The following RNF150 variants were observed in gnomAD, a reference collection of about 807,000 sequenced individuals.
RNF150 encodes the protein ring finger protein 150.
Under a neutral mutation model 39.3 loss-of-function variants are expected in RNF150, and 24 were observed. The ratio of observed to expected loss-of-function variants is 0.61; its 90% confidence interval spans 0.44 to 0.86. RNF150 has a LOEUF of 0.86. RNF150 is among the 40% of genes least tolerant of loss of function. RNF150 has a pLI of 0.00. For synonymous variants in RNF150, 255 were observed against 227.3 expected (o/e 1.12, Z -1.10); for missense variants, 502 against 587.8 (o/e 0.85, Z 1.51).
At chr4:141,140,361 T>G (rs538923417) in intron 1 of RNF150, among the ~76,000 whole-genome samples, 11 of 152,364 alleles carry the variant, frequency 7.2e-5, no homozygotes, top group African/African-American at 2.6e-4. Flanking sequence ...CTTCTTTCCT[T>G]TTATCATAAA....
chr4:141,151,282 T>C (rs1414503412), intron 1 of RNF150, among the ~76,000 whole-genome samples: 1 of 152,088 alleles, frequency 6.6e-6, no homozygotes, highest in Admixed American at 6.6e-5. Context: ...GTTGTTAGAA[T>C]AAACCTAGTT....
intron 2 of RNF150, among the ~76,000 whole-genome samples, chr4:140,963,399 C>A (rs1392507058): frequency 6.6e-6 from 1 of 151,858 alleles, no homozygotes; most frequent in East Asian, 1.9e-4. Flanking sequence ...ATAAAAATGT[C>A]CTATACATGC....
chr4:141,178,641 T>TG (rs1727856721), intron 1 of RNF150, among the ~76,000 whole-genome samples: 1 of 151,924 alleles, frequency 6.6e-6, no homozygotes, highest in Non-Finnish European at 1.5e-5. Flanking sequence ...TTAGGGTTAG[T>TG]GGGGGAGCGG....
chr4:141,052,379 A>T (rs2110893625), intron 1 of RNF150, among the ~76,000 whole-genome samples: 1 of 152,248 alleles, frequency 6.6e-6, no homozygotes, highest in Non-Finnish European at 1.5e-5. Flanking sequence ...TTTATTTTTT[A>T]TTCTTTTATT....
At chr4:141,150,542 C>T (rs1727279196) in intron 1 of RNF150, among the ~76,000 whole-genome samples, 2 of 152,190 alleles carry the variant, frequency 1.3e-5, no homozygotes, top group Non-Finnish European at 2.9e-5. Flanking sequence ...CTTGTGGAGT[C>T]ACTTCTTTCC....
intron 1 of RNF150, among the ~76,000 whole-genome samples, chr4:141,027,185 C>A (rs1405885609): frequency 6.6e-6 from 1 of 152,050 alleles, no homozygotes; most frequent in Non-Finnish European, 1.5e-5. Context: ...GAAAAACGTC[C>A]CCGGAATGCA....
At chr4:140,997,735 C>T (rs73858680) in intron 1 of RNF150, among the ~76,000 whole-genome samples, 11,458 of 151,714 alleles carry the variant, frequency 0.076, 501 homozygotes, top group Middle Eastern at 0.17. Flanking sequence ...TAAAAAGATA[C>T]TAGCTGCATA....
At chr4:140,919,594 G>A (rs1441023639) in intron 5 of RNF150, among the ~76,000 whole-genome samples, 2 of 150,402 alleles carry the variant, frequency 1.3e-5, no homozygotes, top group Non-Finnish European at 3.0e-5. Flanking sequence ...TCAATATCGT[G>A]AAAATGGCCA....
At chr4:141,203,765 G>A (rs999462925) in intron 1 of RNF150, among the ~76,000 whole-genome samples, 4 of 151,890 alleles carry the variant, frequency 2.6e-5, no homozygotes, top group Admixed American at 6.6e-5. Flanking sequence ...AAAGGCATGG[G>A]TTTGGGCACA....
chr4:141,005,234 CTT>C (rs924176494), intron 1 of RNF150, among the ~76,000 whole-genome samples: 5 of 152,054 alleles, frequency 3.3e-5, no homozygotes, highest in African/African-American at 1.2e-4. Flanking sequence ...TCTGGGGTGA[CTT>C]TGAGAAATCC....
chr4:141,098,862 G>C (rs1467108866), intron 1 of RNF150, among the ~76,000 whole-genome samples: 2 of 152,232 alleles, frequency 1.3e-5, no homozygotes, highest in African/African-American at 4.8e-5. Flanking sequence ...AGTTTTATTA[G>C]ACTTCTGACA....
chr4:140,865,752 A>G lies in RNF150; in HGVS notation c.*2509T>C, dbSNP rs576517359. 6.6e-6 allele frequency: 1 copy of G among 152,668 alleles called. No homozygotes were observed. The highest frequency in any genetic ancestry group is 1.9e-4 in the East Asian group (1 of 5,164). The allele number at this position is 152,668 out of a possible 1,614,324, so 9.5% of individuals were successfully genotyped here. A position where few individuals can be genotyped will look rare whatever the true frequency, so the allele number is the denominator to read the frequency against. On this transcript the variant is annotated 3_prime_UTR_variant, in exon 7 of 7. Transcript: ENST00000515673. Reference sequence around the variant, plus strand: ...AAGTGCAGCTGTGGCCAGGGCTTGCATATGCAATCAATTCCTGATTCACCT... The same window carrying G: ...AAGTGCAGCTGTGGCCAGGGCTTGCGTATGCAATCAATTCCTGATTCACCT...
intron 1 of RNF150, among the ~76,000 whole-genome samples, chr4:141,153,747 A>G (rs1727338678): frequency 6.6e-6 from 1 of 152,188 alleles, no homozygotes; most frequent in Non-Finnish European, 1.5e-5. Context: ...TTTGTTTCCC[A>G]ACTAGATTGT....
In RNF150 at chr4:141,185,869, C is replaced by T. The variant is rs374982154; in HGVS notation, c.-6+26925G>A. On this transcript the variant is annotated intron_variant, in intron 1 of 7. Transcript: ENST00000420921. ...CATTTGTTGAACCAGCTTTGCATCC[C>T]ATGGATGAAGCCAACTTGGTCATGA... is the stretch of plus-strand genomic sequence containing the variant. Among the ~76,000 whole-genome samples, 5 of 152,254 alleles carry T rather than the reference C, an allele frequency of 3.3e-5. No individual in the cohort carries two copies. The East Asian group carries it at 7.7e-4, about 24-fold the overall frequency.
intron 1 of RNF150, among the ~76,000 whole-genome samples, chr4:141,044,799 A>ACACACACACACACAC (rs1560706759): frequency 2.4e-5 from 3 of 127,196 alleles, no homozygotes; most frequent in African/African-American, 8.9e-5. Flanking sequence ...ACACACACAC[A>ACACACACACACACAC]ATTCATGTGA....
At chr4:141,106,613 T>C (rs1271965616) in intron 1 of RNF150, among the ~76,000 whole-genome samples, 1 of 151,992 alleles carries the variant, frequency 6.6e-6, no homozygotes, top group East Asian at 1.9e-4. Flanking sequence ...GCTGATGTGG[T>C]AAAGCCCCAT....
chr4:141,129,783 T>A (rs1456505307), intron 1 of RNF150, among the ~76,000 whole-genome samples: 1 of 152,138 alleles, frequency 6.6e-6, no homozygotes, highest in African/African-American at 2.4e-5. Context: ...AGAAAACGTA[T>A]ATGAAAAGGA....
chr4:140,890,209 G>C lies in RNF150; in HGVS notation c.1198+20935C>G, dbSNP rs771036278. Among the ~76,000 whole-genome samples, 7 of 152,232 alleles carry C rather than the reference G, an allele frequency of 4.6e-5. No homozygotes were observed. The Middle Eastern group carries it at 0.014, about 296-fold the overall frequency. On this transcript the variant is annotated intron_variant, in intron 6 of 6. Transcript: ENST00000515673. ...GTTAGCATTTTTTATACGAAAGAAA[G>C]CTTGCTATTTGTGTTATCCTGCAAT...
At chr4:141,047,257 G>A (rs1201047360) in intron 1 of RNF150, among the ~76,000 whole-genome samples, 4 of 152,012 alleles carry the variant, frequency 2.6e-5, no homozygotes, top group Admixed American at 6.6e-5. Flanking sequence ...ATGTTAAAAC[G>A]CTATGACAGT....
Sources: gnomAD v4.1 joint callset for allele counts (sites outside exome capture counted in the v4.1 genomes callset) on GRCh38, gnomAD v4.1.1 for gene constraint, MANE v1.5 for transcripts, NCBI Gene and HGNC (gene_info 2026-07-23, HGNC 2026-07-21) for gene names.